FBLN7: variants seen among roughly 807,000 people sequenced by gnomAD.
The protein encoded by FBLN7 is fibulin-7.
Under a neutral mutation model 44.0 loss-of-function variants are expected in FBLN7, and 31 were observed. The ratio of observed to expected loss-of-function variants is 0.70; its 90% confidence interval spans 0.53 to 0.95. The LOEUF is 0.95. FBLN7 is among the 40% of genes least tolerant of loss of function. The pLI is 0.00. For synonymous variants in FBLN7, 262 were observed against 253.4 expected (o/e 1.03, Z -0.32); for missense variants, 573 against 618.5 (o/e 0.93, Z 0.78).
intron 1 of FBLN7, among the ~76,000 whole-genome samples, chr2:112,141,999 T>C (rs1252145603): frequency 6.6e-6 from 1 of 152,182 alleles, no homozygotes; most frequent in African/African-American, 2.4e-5. Flanking sequence ...AAAACACCTG[T>C]CTTAGGTGCT....
the FBLN7 span, among the ~76,000 whole-genome samples, chr2:112,209,140 G>A: frequency 1.8e-4 from 28 of 152,196 alleles, no homozygotes; most frequent in East Asian, 4.6e-3. Flanking sequence ...TCCATTTTCC[G>A]GATAAAGAAA....
chr2:112,212,196 TC>T, the FBLN7 span: 1 of 152,152 alleles, frequency 6.6e-6, no homozygotes, highest in African/African-American at 2.4e-5. Flanking sequence ...GGGAGACAGC[TC>T]CCCAGGGCCT....
intron 1 of FBLN7, among the ~76,000 whole-genome samples, chr2:112,157,467 C>T (rs559441306): frequency 5.9e-5 from 9 of 152,278 alleles, no homozygotes; most frequent in Non-Finnish European, 1.3e-4. Flanking sequence ...CCTGTGCAGG[C>T]AGCAGAGTCC....
chr2:112,159,857 G>A lies in FBLN7; in HGVS notation c.235+22G>A, dbSNP rs1057176616. 7.3e-6 allele frequency: 11 copies of A among 1,503,970 alleles called. No individual in the cohort carries two copies. The African/African-American group carries it at 9.9e-5, about 14-fold the overall frequency. 93.2% of individuals were successfully genotyped at this position (1,503,970 alleles called of 1,614,324 possible). ...CCAGGTGGGTCCCCACGTCGGCACC[G>A]CTGGGGCGGCAGCGCAGCACTCGAG... is the stretch of plus-strand genomic sequence containing the variant. On this transcript the variant is annotated intron_variant, in intron 2 of 7. Coordinates refer to ENST00000331203, the MANE Select transcript of FBLN7 (RefSeq NM_153214.3).
the FBLN7 span, among the ~76,000 whole-genome samples, chr2:112,241,543 T>G: frequency 2.6e-5 from 4 of 152,238 alleles, no homozygotes; most frequent in Admixed American, 2.6e-4. Flanking sequence ...ATTATTTTCA[T>G]CAACCTCCAA....
chr2:112,189,687 A>G (rs1683421116), downstream of FBLN7: 1 of 152,252 alleles, frequency 6.6e-6, no homozygotes. Flanking sequence ...AGTAGAAAGA[A>G]TAGTATAATG....
intron 4 of FBLN7, among the ~76,000 whole-genome samples, chr2:112,180,870 C>T (rs1257533113): frequency 3.3e-5 from 4 of 121,408 alleles, no homozygotes; most frequent in South Asian, 2.7e-4. Flanking sequence ...TCGCAGTGAG[C>T]GGAGATCGTG....
chr2:112,197,120 T>C, the FBLN7 span, among the ~76,000 whole-genome samples: 2 of 152,008 alleles, frequency 1.3e-5, no homozygotes, highest in Non-Finnish European at 2.9e-5. Context: ...CCAAACCAAG[T>C]CAATGTCCTA....
intron 3 of FBLN7, among the ~76,000 whole-genome samples, chr2:112,171,376 G>A (rs546716096): frequency 4.6e-5 from 7 of 152,106 alleles, no homozygotes; most frequent in South Asian, 2.1e-4. Flanking sequence ...GGCAGACTTC[G>A]GGGAGGCTGT....
In FBLN7 at chr2:112,148,992, G is replaced by A. The variant is rs148142999; in HGVS notation, c.75+10262G>A. 6.4e-3 allele frequency among the ~76,000 whole-genome samples: 977 copies of A among 152,310 alleles called. 16 individuals carry two copies. Among genetic ancestry groups the A allele is most frequent in the African/African-American group, 0.022 (920 of 41,564 alleles). ...GTTGGCACAGGGAGGAAGACCTGGG[G>A]TGATTTTTGCAAATCCTCCATCATA... On this transcript the variant is annotated intron_variant, in intron 1 of 7. Coordinates refer to ENST00000331203, the MANE Select transcript of FBLN7 (RefSeq NM_153214.3).
At chr2:112,177,510 A>G (rs1351633849) in intron 4 of FBLN7, 1 of 151,908 alleles carries the variant, frequency 6.6e-6, no homozygotes, top group Non-Finnish European at 1.5e-5. Context: ...AAATCCATTC[A>G]CCCTATTTTT....
At chr2:112,221,668 A>G in the FBLN7 span, among the ~76,000 whole-genome samples, 2 of 151,952 alleles carry the variant, frequency 1.3e-5, no homozygotes, top group African/African-American at 4.8e-5. Flanking sequence ...ATAAGACTTG[A>G]GACTGCACTG....
chr2:112,159,466 C>T (rs908190638), intron 1 of FBLN7, among the ~76,000 whole-genome samples: 1 of 152,182 alleles, frequency 6.6e-6, no homozygotes. Context: ...AGTCATCCGT[C>T]CTGCCTGCAT....
intron 3 of FBLN7, among the ~76,000 whole-genome samples, chr2:112,172,401 T>C (rs972351695): frequency 1.3e-5 from 2 of 152,162 alleles, no homozygotes; most frequent in African/African-American, 4.8e-5. Flanking sequence ...GTTAGTTCCA[T>C]TGGATATAAA....
At position 112,175,752 on chromosome 2, in the gene FBLN7, G is replaced by T; in HGVS notation, c.445G>T (p.Gly149Cys). ...CTCCAGCCAGCCTTGTCAAAATGGTGGTACATGTGTAGAAGGAGTCAACCA... is the reference window on the plus strand; with the variant it reads ...CTCCAGCCAGCCTTGTCAAAATGGTTGTACATGTGTAGAAGGAGTCAACCA... ...ECSSQPCQNG[G>C]TCVEGVNQYR... The change falls in exon 4 of 8, where the codon GGT (glycine) becomes TGT (cysteine). Residue 149 changes from glycine (G) to cysteine (C), a missense_variant. Physicochemically the swap from Gly to Cys is radical, Grantham distance 159 (BLOSUM62 -3). Coordinates refer to ENST00000331203, the MANE Select transcript of FBLN7 (RefSeq NM_153214.3). The T allele has an allele frequency of 6.2e-7, 1 of 1,614,156 alleles. No homozygotes were observed. Among genetic ancestry groups the T allele is most frequent in the South Asian group, 1.1e-5 (1 of 91,082 alleles).
intron 1 of FBLN7, chr2:112,152,410 A>G (rs1465130966): frequency 6.6e-6 from 1 of 152,214 alleles, no homozygotes; most frequent in Admixed American, 6.5e-5. Flanking sequence ...ATGTAGAGTT[A>G]CAGGCAGCCA....
rs745627243 is a variant in FBLN7, at chr2:112,182,834, G to A, written c.714G>A (p.Arg238=). 6.2e-7 allele frequency: 1 copy of A among 1,611,770 alleles called. No individual in the cohort carries two copies. Among genetic ancestry groups the A allele is most frequent in the Admixed American group, 1.7e-5 (1 of 59,664 alleles). The part of the protein sequence containing the change: ...CELYGQEGRP[R]LCMHACVNTP... ...TCTACGGGCAGGAGGGGCGCCCCCG[G>A]CTCTGCATGCACGCCTGCGTGAACA... The change falls in exon 6 of 8, where the codon CGG becomes CGA. Residue 238 remains arginine (R), a synonymous_variant. Transcript: ENST00000331203.
intron 1 of FBLN7, among the ~76,000 whole-genome samples, chr2:112,146,325 C>A (rs1051258957): frequency 6.6e-6 from 1 of 152,190 alleles, no homozygotes; most frequent in African/African-American, 2.4e-5. Context: ...AAAACTCTGT[C>A]TCAAAAACAA....
chr2:112,233,202 C>A, the FBLN7 span: 2 of 1,231,418 alleles, frequency 1.6e-6, no homozygotes, highest in Non-Finnish European at 1.1e-6. Flanking sequence ...AAATTTTGCA[C>A]ATTTAAAATG....
Sources: allele counts gnomAD v4.1 joint callset (sites outside exome capture counted in the v4.1 genomes callset), GRCh38; gene constraint gnomAD v4.1.1; transcripts MANE v1.5; gene names NCBI Gene and HGNC (gene_info 2026-07-23, HGNC 2026-07-21).